Variants in SLC20A2 observed in about 807,000 individuals in gnomAD.
SLC20A2 encodes solute carrier family 20 member 2.
In SLC20A2, 30 loss-of-function variants were observed where a neutral mutation model predicts 61.0. That is an observed-to-expected ratio of 0.49 (90% confidence interval 0.37 to 0.67). The LOEUF is 0.67. SLC20A2 is among the 30% of genes least tolerant of loss of function. SLC20A2 has a pLI of 0.00. For synonymous variants in SLC20A2, 351 were observed against 353.3 expected, an observed-to-expected ratio of 0.99 and a Z score of 0.07; for missense variants, 626 against 866.4, an observed-to-expected ratio of 0.72 and a Z score of 3.48.
intron 10 of SLC20A2, among the ~76,000 whole-genome samples, chr8:42,422,101 G>T (rs1803084537): frequency 1.3e-5 from 2 of 152,224 alleles, no homozygotes; most frequent in Non-Finnish European, 2.9e-5. Context: ...CGCCCAGGCT[G>T]GAGTGCAGTG....
intron 1 of SLC20A2, among the ~76,000 whole-genome samples, chr8:42,477,387 C>T (rs113121959): frequency 0.028 from 4,296 of 151,946 alleles, 212 homozygotes; most frequent in African/African-American, 0.098. Context: ...CTCCCTTAGA[C>T]CTGCTCTTCT....
chr8:42,459,250 A>C (rs1446570855), intron 5 of SLC20A2, among the ~76,000 whole-genome samples: 4 of 151,318 alleles, frequency 2.6e-5, no homozygotes, highest in Admixed American at 6.6e-5. Context: ...AAAAAAAAAA[A>C]AAAAAAAAAC....
chr8:42,428,194 C>T (rs1241294040), intron 10 of SLC20A2, among the ~76,000 whole-genome samples: 18 of 152,206 alleles, frequency 1.2e-4, no homozygotes. Flanking sequence ...CTTTCCACAC[C>T]ATGACCAGGA....
intron 1 of SLC20A2, among the ~76,000 whole-genome samples, chr8:42,496,617 A>G (rs1586206763): frequency 6.6e-6 from 1 of 152,370 alleles, no homozygotes; most frequent in East Asian, 1.9e-4. Flanking sequence ...TATTAAGTCC[A>G]TCCTATGTGT....
At chr8:42,456,275 C>T (rs536994479) in intron 5 of SLC20A2, among the ~76,000 whole-genome samples, 1 of 152,000 alleles carries the variant, frequency 6.6e-6, no homozygotes, top group Admixed American at 6.5e-5. Context: ...ACGAAAAAAC[C>T]CCATCCATAT....
intron 5 of SLC20A2, among the ~76,000 whole-genome samples, chr8:42,458,959 A>C (rs1193241802): frequency 3.0e-5 from 4 of 131,940 alleles, no homozygotes; most frequent in African/African-American, 1.1e-4. Context: ...CCCACAAAAA[A>C]CCTCTGAACC....
intron 10 of SLC20A2, 112 bp from the exon 11 acceptor site, chr8:42,418,079 C>G: frequency 1.3e-6 from 1 of 777,108 alleles, no homozygotes; most frequent in Non-Finnish European, 2.0e-6. Context: ...TACCCAGTCC[C>G]CTACATTTGT....
chr8:42,465,689 CAAAAAAA>C, intron 3 of SLC20A2, 81 bp downstream of exon 3: 1 of 1,059,774 alleles, frequency 9.4e-7, no homozygotes. Context: ...CACTCCGGGT[CAAAAAAA>C]AAAAAAAAGT....
chr8:42,491,594 G>A (rs113935421), intron 1 of SLC20A2, among the ~76,000 whole-genome samples: 33 of 151,512 alleles, frequency 2.2e-4, no homozygotes, highest in African/African-American at 7.0e-4. Flanking sequence ...TCGCTTGAAC[G>A]TGGAAGGCAG....
At chr8:42,515,218 T>C (rs1254574457) in intron 1 of SLC20A2, among the ~76,000 whole-genome samples, 1 of 152,278 alleles carries the variant, frequency 6.6e-6, no homozygotes, top group Non-Finnish European at 1.5e-5. Flanking sequence ...CAGTTTTGAC[T>C]CCGGAGCTTG....
intron 1 of SLC20A2, among the ~76,000 whole-genome samples, chr8:42,519,373 G>A (rs2131395984): frequency 6.6e-6 from 1 of 152,132 alleles, no homozygotes; most frequent in South Asian, 2.1e-4. Context: ...GAACCCGGGA[G>A]GCAGAGGTTG....
upstream of SLC20A2, chr8:42,501,582 G>A (rs1321865430): frequency 1.3e-5 from 2 of 152,220 alleles, no homozygotes; most frequent in Non-Finnish European, 2.9e-5. Context: ...GCAGCACTAC[G>A]TGAAATTAAA....
chr8:42,418,070 A>AC, intron 10 of SLC20A2, 103 bp from the exon 11 acceptor site: 1 of 851,150 alleles, frequency 1.2e-6, no homozygotes, highest in Non-Finnish European at 1.8e-6. Context: ...GTACAACATT[A>AC]CCCAGTCCCC....
intron 10 of SLC20A2, among the ~76,000 whole-genome samples, chr8:42,427,260 TGGG>T (rs1157381223): frequency 6.6e-6 from 1 of 152,216 alleles, no homozygotes; most frequent in Non-Finnish European, 1.5e-5. Flanking sequence ...GGAAGCTTCT[TGGG>T]GAGACCACCA....
intron 1 of SLC20A2, chr8:42,535,236 T>A (rs1207992343): frequency 6.6e-6 from 1 of 152,200 alleles, no homozygotes; most frequent in Non-Finnish European, 1.5e-5. Context: ...TTAGGAGGCT[T>A]CCTGTGGGAA....
In SLC20A2 at chr8:42,430,214, A is replaced by G. The variant is rs751324523; in HGVS notation, c.1559T>C (p.Ile520Thr). Reference protein sequence around the residue: ...AIGPLVALWLIYKQGGVTQEA... With the variant: ...AIGPLVALWLTYKQGGVTQEA... Reference sequence around the variant, plus strand: ...TTGCGTTACCCCGCCTTGTTTGTAAATCAGCCACAAGGCTACCAGGGGACC... The same window carrying G: ...TTGCGTTACCCCGCCTTGTTTGTAAGTCAGCCACAAGGCTACCAGGGGACC... The change falls in exon 9 of 11, where the codon ATT (isoleucine) becomes ACT (threonine). Residue 520 changes from isoleucine to threonine, a missense_variant. Physicochemically the swap from Ile to Thr is moderately conservative, Grantham distance 89. Coordinates refer to ENST00000520262, the MANE Select transcript of SLC20A2 (RefSeq NM_001257180.2). 1.2e-6 allele frequency: 2 copies of G among 1,613,708 alleles called. No individual in the cohort carries two copies. The highest frequency in any genetic ancestry group is 1.7e-6 in the Non-Finnish European group (2 of 1,179,910).
In SLC20A2 at chr8:42,430,173, C is replaced by A. The variant is rs755604221; in HGVS notation, c.1600G>T (p.Val534Phe). ...ACTCCTCCATAAAACAGCAGCCAGA[C>A]GGGTGTAGCTGCTTCTTGCGTTACC... ...GGVTQEAATP[V>F]WLLFYGGVGI... The change falls in exon 9 of 11, where the codon GTC (valine) becomes TTC (phenylalanine). Residue 534 changes from valine to phenylalanine, a missense_variant. Around this residue, in one of 3 missense-constraint regions of SLC20A2, gnomAD observed 138 missense variants for 228.7 expected, o/e 0.60. Transcript: ENST00000520262. The A allele has an allele frequency of 3.1e-6, 5 of 1,614,064 alleles. No individual in the cohort carries two copies. The highest frequency in any genetic ancestry group is 4.2e-6 in the Non-Finnish European group (5 of 1,179,970).
intron 1 of SLC20A2, among the ~76,000 whole-genome samples, chr8:42,482,238 G>T (rs1159303295): frequency 6.6e-6 from 1 of 152,106 alleles, no homozygotes; most frequent in African/African-American, 2.4e-5. Context: ...ACAGGTAATT[G>T]TAAGATTTTA....
chr8:42,462,919 C>T, intron 4 of SLC20A2, 86 bp downstream of exon 4: 4 of 702,828 alleles, frequency 5.7e-6, no homozygotes, highest in Non-Finnish European at 9.6e-6. Context: ...TACAATTATT[C>T]CTCTAACCCC....
Sources: allele counts gnomAD v4.1 joint callset (sites outside exome capture counted in the v4.1 genomes callset), GRCh38; gene constraint gnomAD v4.1.1; regional missense constraint gnomAD v4.1.1; transcripts MANE v1.5; gene names NCBI Gene and HGNC (gene_info 2026-07-23, HGNC 2026-07-21).